Variants in TRIM24 observed in about 807,000 individuals in gnomAD.
The protein encoded by TRIM24 is transcription intermediary factor 1-alpha.
In TRIM24, 29 loss-of-function variants were observed where a neutral mutation model predicts 123.9. That is an observed-to-expected ratio of 0.23 (90% CI 0.17 to 0.32). The LOEUF is 0.32. TRIM24 is among the 10% of genes least tolerant of loss of function. The pLI, the probability that TRIM24 is intolerant of heterozygous loss-of-function variation, is 1.00. For missense variants in TRIM24, 932 were observed against 1,295.3 expected (o/e 0.72, Z 4.31); for synonymous variants, 456 against 461.1 (o/e 0.99, Z 0.14).
At position 138,578,563 on chromosome 7, in the gene TRIM24, T is replaced by TGTGC. The variant is rs145011901; in HGVS notation, c.2257-640_2257-639insTGCG. Among the ~76,000 whole-genome samples, 414 of 145,070 alleles carry TGTGC rather than the reference T, an allele frequency of 2.9e-3. 1 individual carries two copies. The highest frequency in any genetic ancestry group is 0.013 in the South Asian group (58 of 4,446). On this transcript the variant is annotated intron_variant, in intron 14 of 18. Transcript: ENST00000343526. Reference sequence around the variant, plus strand: ...GTGTGTGTGTGTGTGTGTGTGTGTGTGCGCGCACGCACGAATGGAAGCAGG... The same window carrying TGTGC: ...GTGTGTGTGTGTGTGTGTGTGTGTGTGTGCGCGCGCACGCACGAATGGAAGCAGG...
chr7:138,550,318 G>GGTGT (rs10548154), intron 7 of TRIM24, among the ~76,000 whole-genome samples: 45,334 of 147,378 alleles, frequency 0.31, 7,297 homozygotes, highest in Admixed American at 0.43. Flanking sequence ...AGGAGTTGAT[G>GGTGT]GTGTGTGTGT....
chr7:138,504,357 T>G lies in TRIM24; in HGVS notation c.432T>G (p.Phe144Leu). 1 of 1,605,350 alleles carries G rather than the reference T, an allele frequency of 6.2e-7. No individual in the cohort carries two copies. The highest frequency in any genetic ancestry group is 8.5e-7 in the Non-Finnish European group (1 of 1,176,250). ...CAERHIIDNFFVKDTTEVPSS... is the reference protein window; with the variant it reads ...CAERHIIDNFLVKDTTEVPSS... ...AGAGACACATCATAGATAACTTTTT[T>G]GTGAAGGACACTACTGAGGTTCCCA... Residue 144 changes from phenylalanine (F) to leucine (L), a missense_variant, in exon 2 of 19, where the codon TTT becomes TTG. Coordinates refer to ENST00000343526, the MANE Select transcript of TRIM24 (RefSeq NM_015905.3).
intron 9 of TRIM24, among the ~76,000 whole-genome samples, chr7:138,564,446 A>G (rs927446759): frequency 9.9e-5 from 15 of 152,162 alleles, no homozygotes; most frequent in African/African-American, 3.1e-4. Context: ...AGGAATTTCT[A>G]TCTCCTCTGG....
chr7:138,551,250 A>T (rs1446454861), intron 8 of TRIM24, 70 bp downstream of exon 8: 4 of 1,338,788 alleles, frequency 3.0e-6, no homozygotes, highest in Admixed American at 1.7e-5. Flanking sequence ...ATGACATGTT[A>T]CTGAAAATAT....
At position 138,519,920 on chromosome 7, in the gene TRIM24, G is replaced by A. The variant is rs1303887067; in HGVS notation, c.764+599G>A. On this transcript the variant is annotated intron_variant, in intron 4 of 18. Transcript: ENST00000343526. ...CAGCAACAGATGATTTAGACAGTAA[G>A]ATTCGGATTGATACAAATATAATTG... Among the ~76,000 whole-genome samples, 3 of 152,090 alleles carry A rather than the reference G, an allele frequency of 2.0e-5. No individual in the cohort carries two copies. The East Asian group carries it at 5.8e-4, about 29-fold the overall frequency.
intron 14 of TRIM24, 61 bp downstream of exon 14, chr7:138,577,649 T>A: frequency 1.5e-6 from 2 of 1,369,078 alleles, no homozygotes; most frequent in African/African-American, 1.5e-5. Context: ...GAGAATCTTT[T>A]AAATAGCTCT....
At chr7:138,520,443 T>C (rs1295960687) in intron 4 of TRIM24, among the ~76,000 whole-genome samples, 4 of 152,220 alleles carry the variant, frequency 2.6e-5, no homozygotes, top group Non-Finnish European at 4.4e-5. Context: ...TATTCAATAA[T>C]GAATTTTGCA....
intron 5 of TRIM24, among the ~76,000 whole-genome samples, chr7:138,528,783 A>ACC (rs202047925): frequency 1.2e-5 from 1 of 80,442 alleles, no homozygotes; most frequent in Non-Finnish European, 2.5e-5. Context: ...GTCCACCCCC[A>ACC]CCCCCCCCCC....
intron 7 of TRIM24, among the ~76,000 whole-genome samples, chr7:138,543,128 A>G (rs1461348085): frequency 6.6e-6 from 1 of 152,174 alleles, no homozygotes; most frequent in Non-Finnish European, 1.5e-5. Flanking sequence ...TGTGTTTTTC[A>G]TTGTGTTCTG....
chr7:138,580,448 T>C, intron 15 of TRIM24, 114 bp from the exon 16 acceptor site: 1 of 1,345,926 alleles, frequency 7.4e-7, no homozygotes, highest in East Asian at 2.3e-5. Flanking sequence ...TGATTAAAAT[T>C]CATGCCAAAT....
intron 4 of TRIM24, among the ~76,000 whole-genome samples, chr7:138,522,407 G>T (rs1411118006): frequency 6.6e-6 from 1 of 151,472 alleles, no homozygotes; most frequent in Non-Finnish European, 1.5e-5. Context: ...GTGGAACACT[G>T]TACCCCAAAA....
chr7:138,473,599 G>T (rs772525280), intron 1 of TRIM24, among the ~76,000 whole-genome samples: 22 of 152,132 alleles, frequency 1.4e-4, no homozygotes, highest in Non-Finnish European at 3.2e-4. Context: ...ACTTAGATTG[G>T]CATCCACTGA....
intron 7 of TRIM24, among the ~76,000 whole-genome samples, chr7:138,545,805 C>T (rs1012154875): frequency 6.6e-6 from 1 of 152,054 alleles, no homozygotes; most frequent in Non-Finnish European, 1.5e-5. Context: ...GAACAGGATT[C>T]AGTGTAAAAG....
chr7:138,460,554 G>A lies in TRIM24; in HGVS notation c.6G>A (p.Glu2=). 1 of 1,308,918 alleles carries A rather than the reference G, an allele frequency of 7.6e-7. No homozygotes were observed. Among genetic ancestry groups the A allele is most frequent in the South Asian group, 2.6e-5 (1 of 39,182 alleles). 81.1% of individuals were successfully genotyped at this position (1,308,918 alleles called of 1,614,324 possible). ...GCGGCGGCAAGGGCAGGACAATGGA[G>A]GTGGCGGTGGAGAAGGCGGTGGCGG... M[E]VAVEKAVAAA... The change falls in exon 1 of 19, where the codon GAG becomes GAA. Residue 2 remains glutamate, a synonymous_variant. Coordinates refer to ENST00000343526, the MANE Select transcript of TRIM24 (RefSeq NM_015905.3).
chr7:138,561,711 A>G (rs1285668269), intron 9 of TRIM24, among the ~76,000 whole-genome samples: 3 of 152,188 alleles, frequency 2.0e-5, no homozygotes, highest in Non-Finnish European at 4.4e-5. Flanking sequence ...GGACCCCTAT[A>G]GCAATTCCTT....
At chr7:138,565,993 A>C (rs1366671199) in intron 9 of TRIM24, among the ~76,000 whole-genome samples, 1 of 152,110 alleles carries the variant, frequency 6.6e-6, no homozygotes, top group Non-Finnish European at 1.5e-5. Flanking sequence ...GCTTGCTCTG[A>C]GGGGGTGTTG....
chr7:138,490,829 G>A (rs1373380178), intron 1 of TRIM24: 3 of 460,630 alleles, frequency 6.5e-6, no homozygotes, highest in Admixed American at 4.9e-5. Context: ...CATCTTTCAA[G>A]TCATTTGTCT....
At chr7:138,486,452 G>C (rs1410327186) in intron 1 of TRIM24, among the ~76,000 whole-genome samples, 2 of 152,136 alleles carry the variant, frequency 1.3e-5, no homozygotes, top group Non-Finnish European at 2.9e-5. Context: ...TTTTCTTCTA[G>C]GGTTTTTATG....
At chr7:138,551,571 A>G (rs888026289) in intron 8 of TRIM24, among the ~76,000 whole-genome samples, 8 of 152,234 alleles carry the variant, frequency 5.3e-5, no homozygotes, top group African/African-American at 1.9e-4. Context: ...ACAAATATAC[A>G]TGAATATAAA....
Sources: allele counts gnomAD v4.1 joint callset (sites outside exome capture counted in the v4.1 genomes callset), GRCh38; gene constraint gnomAD v4.1.1; transcripts MANE v1.5; gene names NCBI Gene and HGNC (gene_info 2026-07-23, HGNC 2026-07-21).